Variants in DPP10 observed in about 807,000 individuals in gnomAD.
DPP10 encodes dipeptidyl peptidase like 10.
DPP10 carries 33 observed loss-of-function variants against 120.9 expected under a neutral mutation model. The ratio of observed to expected loss-of-function variants is 0.27; its 90% CI spans 0.21 to 0.37. DPP10 has a LOEUF of 0.37. Ranked by LOEUF, DPP10 falls within the 10% of genes least tolerant of loss-of-function variation. DPP10 has a pLI of 1.00. For missense variants in DPP10, 816 were observed against 942.8 expected, an observed-to-expected ratio of 0.87 and a Z score of 1.76; for synonymous variants, 337 against 326.1, an observed-to-expected ratio of 1.03 and a Z score of -0.36.
At chr2:114,515,220 T>G (rs1573539930) in intron 1 of DPP10, among the ~76,000 whole-genome samples, 1 of 152,172 alleles carries the variant, frequency 6.6e-6, no homozygotes, top group African/African-American at 2.4e-5. Flanking sequence ...GCATAAACAT[T>G]GAGAATAATG....
In DPP10 at chr2:115,614,114, A is replaced by G. The variant is rs117564523; in HGVS notation, c.442-75573A>G. Among the ~76,000 whole-genome samples the G allele has an allele frequency of 6.8e-4, 104 of 152,314 alleles. No individual in the cohort carries two copies. The East Asian group carries it at 0.018, about 26-fold the overall frequency. On this transcript the variant is annotated intron_variant, in intron 5 of 25. Coordinates refer to ENST00000410059, the MANE Select transcript of DPP10 (RefSeq NM_020868.6). The stretch of plus-strand genomic sequence containing the variant: ...GCATGCACTGAAATGGTAAGAGACA[A>G]TGGGATAGGAGCAGATAACCAAAGT...
chr2:115,172,383 CAAAA>C (rs369416732), intron 1 of DPP10, among the ~76,000 whole-genome samples: 1 of 82,484 alleles, frequency 1.2e-5, no homozygotes. Flanking sequence ...GAATCCGTCT[CAAAA>C]AAAAAAAAAA....
chr2:115,188,320 TG>T (rs1270713708), intron 1 of DPP10, among the ~76,000 whole-genome samples: 3 of 152,204 alleles, frequency 2.0e-5, no homozygotes, highest in Non-Finnish European at 2.9e-5. Flanking sequence ...ATTGGAAATA[TG>T]GGAGAAAACG....
At chr2:114,801,894 A>G (rs530426604) in intron 1 of DPP10, among the ~76,000 whole-genome samples, 13 of 152,328 alleles carry the variant, frequency 8.5e-5, no homozygotes, top group Admixed American at 7.2e-4. Context: ...TGAAATATTA[A>G]TAATGGAATT....
intron 1 of DPP10, among the ~76,000 whole-genome samples, chr2:115,030,398 G>T (rs1460045773): frequency 1.3e-5 from 2 of 152,054 alleles, no homozygotes; most frequent in Admixed American, 6.6e-5. Flanking sequence ...ACTACATTTT[G>T]TCTCCTAGAG....
intron 1 of DPP10, among the ~76,000 whole-genome samples, chr2:114,468,907 G>A (rs576816033): frequency 1.3e-5 from 2 of 152,140 alleles, no homozygotes; most frequent in South Asian, 2.1e-4. Flanking sequence ...CATGATTAAT[G>A]CTATTTCTAG....
intron 3 of DPP10, among the ~76,000 whole-genome samples, chr2:115,432,827 C>T (rs1189903824): frequency 2.0e-5 from 3 of 151,878 alleles, no homozygotes; most frequent in Non-Finnish European, 2.9e-5. Context: ...ACAAATGCTG[C>T]TGAACGTCTT....
chr2:115,458,935 A>T (rs960508680), intron 3 of DPP10, among the ~76,000 whole-genome samples: 1 of 152,154 alleles, frequency 6.6e-6, no homozygotes, highest in African/African-American at 2.4e-5. Context: ...AGGAATATTA[A>T]CCTAATTAAG....
intron 5 of DPP10, among the ~76,000 whole-genome samples, chr2:115,529,162 A>T (rs796189987): frequency 1.2e-3 from 171 of 147,378 alleles, no homozygotes; most frequent in African/African-American, 3.0e-3. Context: ...AATAAGGCAA[A>T]TTTTTTTTTT....
chr2:115,438,156 G>A (rs1192378414), intron 3 of DPP10, among the ~76,000 whole-genome samples: 2 of 151,904 alleles, frequency 1.3e-5, no homozygotes, highest in Admixed American at 1.3e-4. Flanking sequence ...TAACCATTAG[G>A]AAAATGCAAA....
chr2:115,235,105 G>A (rs571660648), intron 1 of DPP10, among the ~76,000 whole-genome samples: 11 of 152,054 alleles, frequency 7.2e-5, no homozygotes, highest in African/African-American at 2.7e-4. Context: ...TGCTGATTTC[G>A]TTCTCAGTGT....
intron 1 of DPP10, among the ~76,000 whole-genome samples, chr2:115,074,709 C>G (rs962116473): frequency 6.6e-6 from 1 of 151,942 alleles, no homozygotes; most frequent in Admixed American, 6.6e-5. Flanking sequence ...ATGATGACAC[C>G]CTGGACTAGG....
intron 1 of DPP10, among the ~76,000 whole-genome samples, chr2:115,286,101 A>T (rs1189069773): frequency 1.3e-5 from 2 of 151,900 alleles, no homozygotes; most frequent in Non-Finnish European, 2.9e-5. Context: ...CTGCAGGAGG[A>T]AACAGACTCA....
Position 115,836,241 on chromosome 2 carries a change from G to C in DPP10, c.2035G>C (p.Asp679His), listed in dbSNP as rs1156473328. The C allele has an allele frequency of 1.2e-6, 2 of 1,606,560 alleles. No homozygotes were observed. Among genetic ancestry groups the C allele is most frequent in the East Asian group, 2.2e-5 (1 of 44,586 alleles). The stretch of plus-strand genomic sequence containing the variant: ...TGGATCCGTGGTTGCACCTATCACA[G>C]ACTTGAAATTGTATGGTGAGTACTT... ...KCGSVVAPIT[D>H]LKLYASAFSE... Residue 679 changes from aspartate to histidine, a missense_variant, in exon 22 of 26, where the codon GAC becomes CAC. Transcript: ENST00000410059.
At position 115,246,792 on chromosome 2, in the gene DPP10, C is replaced by T. The variant is rs1485186504; in HGVS notation, c.61-62447C>T. Reference sequence around the variant, plus strand: ...CCATTATTATACAATGCTACATATTCTGATAGTAAAATAAGTATAACCACA... The same window carrying T: ...CCATTATTATACAATGCTACATATTTTGATAGTAAAATAAGTATAACCACA... On this transcript the variant is annotated intron_variant, in intron 1 of 25. Transcript: ENST00000410059. Among the ~76,000 whole-genome samples, 3 of 152,094 alleles carry T rather than the reference C, an allele frequency of 2.0e-5. No individual in the cohort carries two copies. In the East Asian group the frequency reaches 5.8e-4, roughly 29 times the overall value.
At chr2:114,946,381 G>T (rs1020084958) in intron 1 of DPP10, among the ~76,000 whole-genome samples, 1 of 152,014 alleles carries the variant, frequency 6.6e-6, no homozygotes, top group African/African-American at 2.4e-5. Context: ...TTTTAGTTTT[G>T]TAAGATGAAA....
rs137945787 is a variant in DPP10, at chr2:115,466,501, T to A, written c.272-33009T>A. Among the ~76,000 whole-genome samples, 119 of 152,302 alleles carry A rather than the reference T, an allele frequency of 7.8e-4. 1 individual carries two copies. Among genetic ancestry groups the A allele is most frequent in the African/African-American group, 2.6e-3 (107 of 41,564 alleles). Reference sequence around the variant, plus strand: ...TTAGATTACTTTAACTTTTGGTGATTATTGCCAAAACTTCTTTCCTATTAA... The same window carrying A: ...TTAGATTACTTTAACTTTTGGTGATAATTGCCAAAACTTCTTTCCTATTAA... On this transcript the variant is annotated intron_variant, in intron 3 of 25. Transcript: ENST00000410059.
At chr2:115,170,533 T>C (rs911976156) in intron 1 of DPP10, among the ~76,000 whole-genome samples, 2 of 152,212 alleles carry the variant, frequency 1.3e-5, no homozygotes, top group African/African-American at 2.4e-5. Context: ...AAATTATGAA[T>C]AGATTTTCTA....
chr2:115,380,610 T>G lies in DPP10; in HGVS notation c.271+36698T>G, dbSNP rs369369228. Among the ~76,000 whole-genome samples the G allele has an allele frequency of 3.0e-4, 45 of 152,218 alleles. No homozygotes were observed. The East Asian group carries it at 5.6e-3, about 19-fold the overall frequency. The stretch of plus-strand genomic sequence containing the variant: ...TCCTGTCATTATGATGTTAGCTGGT[T>G]ATTTTGCTCGTTAGTTGATGCAGTT... On this transcript the variant is annotated intron_variant, in intron 3 of 25. Transcript: ENST00000410059.
Sources: gnomAD v4.1 joint callset for allele counts (sites outside exome capture counted in the v4.1 genomes callset) on GRCh38, gnomAD v4.1.1 for gene constraint, MANE v1.5 for transcripts, NCBI Gene and HGNC (gene_info 2026-07-23, HGNC 2026-07-21) for gene names.